SLC18A1: variants seen among roughly 807,000 people sequenced by gnomAD.
SLC18A1 encodes the protein chromaffin granule amine transporter.
A neutral mutation model predicts 53.7 loss-of-function variants in SLC18A1; 69 were observed. The ratio of observed to expected loss-of-function variants is 1.28; its 90% CI spans 1.06 to 1.57. The LOEUF (loss-of-function observed/expected upper bound fraction) is 1.57, where lower values mean the gene tolerates loss of function less well. SLC18A1 is among the 40% of genes most tolerant of loss of function. The pLI, the probability that SLC18A1 is intolerant of heterozygous loss-of-function variation, is 0.00. For missense variants in SLC18A1, 932 were observed against 668.1 expected (o/e 1.40, Z -4.35); for synonymous variants, 320 against 248.1 (o/e 1.29, Z -2.72).
chr8:20,159,043 G>A (rs1414868781), intron 10 of SLC18A1, among the ~76,000 whole-genome samples: 1 of 152,120 alleles, frequency 6.6e-6, no homozygotes, highest in Non-Finnish European at 1.5e-5. Flanking sequence ...GGTTAAGTTT[G>A]TCTCTTCCAG....
At chr8:20,150,572 A>C (rs2071525643) in intron 11 of SLC18A1, 94 bp downstream of exon 11, 1 of 1,122,222 alleles carries the variant, frequency 8.9e-7, no homozygotes, top group African/African-American at 1.5e-5. Flanking sequence ...TAAACTTTCA[A>C]CCGTATGGAA....
intron 12 of SLC18A1, chr8:20,148,648 C>T (rs1423957103): frequency 7.1e-6 from 3 of 420,684 alleles, no homozygotes; most frequent in Non-Finnish European, 1.4e-5. Flanking sequence ...CCCAATCCCC[C>T]AACAAAAACC....
intron 6 of SLC18A1, among the ~76,000 whole-genome samples, chr8:20,172,241 G>T (rs1181312044): frequency 6.6e-6 from 1 of 152,232 alleles, no homozygotes; most frequent in Non-Finnish European, 1.5e-5. Flanking sequence ...TTTGGGACAT[G>T]ATAAAGGATT....
At position 20,148,040 on chromosome 8, in the gene SLC18A1, T is replaced by C. The variant is rs1286384908; in HGVS notation, c.1177A>G (p.Ile393Val). 6.2e-7 allele frequency: 1 copy of C among 1,613,670 alleles called. No individual in the cohort carries two copies. Among genetic ancestry groups the C allele is most frequent in the African/African-American group, 1.3e-5 (1 of 74,888 alleles). Residue 393 changes from isoleucine (I) to valine (V), a missense_variant, in exon 13 of 16, where the codon ATT becomes GTT. Coordinates refer to ENST00000276373, the MANE Select transcript of SLC18A1 (RefSeq NM_003053.4). Reference protein sequence around the residue: ...VPLAHNIFGLIGPNAGLGLAI... With the variant: ...VPLAHNIFGLVGPNAGLGLAI... The stretch of plus-strand genomic sequence containing the variant: ...AGGCCAAGCCCTGCATTGGGGCCAA[T>C]GAGACCAAAAATATTGTGAGCCAGA...
chr8:20,149,639 T>G (rs1214174537), intron 12 of SLC18A1, 37 bp downstream of exon 12: 1 of 1,560,744 alleles, frequency 6.4e-7, no homozygotes, highest in Non-Finnish European at 8.8e-7. Context: ...TCTCGCTCTC[T>G]CTCTCCTTCC....
intron 2 of SLC18A1, 60 bp from the exon 3 acceptor site, chr8:20,179,544 A>G: frequency 6.5e-7 from 1 of 1,548,656 alleles, no homozygotes; most frequent in Middle Eastern, 2.4e-4. Context: ...TACCACTGAA[A>G]CTCAAGGGGC....
intron 10 of SLC18A1, among the ~76,000 whole-genome samples, chr8:20,159,039 G>C (rs1423592195): frequency 6.6e-6 from 1 of 152,150 alleles, no homozygotes; most frequent in Non-Finnish European, 1.5e-5. Context: ...TCCTGGTTAA[G>C]TTTGTCTCTT....
chr8:20,159,609 T>C (rs1188306417), intron 10 of SLC18A1, among the ~76,000 whole-genome samples: 1 of 124,276 alleles, frequency 8.0e-6, no homozygotes, highest in East Asian at 2.3e-4. Context: ...AGCTCTGTTT[T>C]CACTCTATTA....
At chr8:20,178,152 C>CACACA (rs1335847544) in intron 4 of SLC18A1, among the ~76,000 whole-genome samples, 8 of 92,880 alleles carry the variant, frequency 8.6e-5, no homozygotes, top group Non-Finnish European at 1.8e-4. Context: ...ACACACACAC[C>CACACA]CCGTAGCATA....
chr8:20,178,983 G>A (rs980334748), intron 3 of SLC18A1, 138 bp downstream of exon 3: 20 of 996,452 alleles, frequency 2.0e-5, no homozygotes, highest in African/African-American at 8.2e-5. Flanking sequence ...TTTGAGTAAC[G>A]AGCTTTCCGA....
At chr8:20,180,746 C>G (rs2128881177) in intron 2 of SLC18A1, 95 bp downstream of exon 2, 1 of 1,494,184 alleles carries the variant, frequency 6.7e-7, no homozygotes, top group Non-Finnish European at 9.1e-7. Context: ...AAGGAAAATT[C>G]TCAGATGGAT....
At chr8:20,181,213 C>A in intron 1 of SLC18A1, 126 bp from the exon 2 acceptor site, 1 of 342,918 alleles carries the variant, frequency 2.9e-6, no homozygotes, top group Non-Finnish European at 5.4e-6. Context: ...GAATGCCTTC[C>A]TGGTAAGCAT....
rs748816054 is a variant in SLC18A1, at chr8:20,148,109, T to A, written c.1147-39A>T. ...GAGGAAGAGTCATCAGGACTCCAGA[T>A]GGGTCAGGTGGGAGCAAGGTTCAAA... On this transcript the variant is annotated intron_variant, in intron 12 of 15. Coordinates refer to ENST00000276373, the MANE Select transcript of SLC18A1 (RefSeq NM_003053.4). 16 of 1,580,824 alleles carry A rather than the reference T, an allele frequency of 1.0e-5. 1 individual carries two copies. The South Asian group carries it at 1.8e-4, about 17-fold the overall frequency.
In SLC18A1 at chr8:20,153,974, G is replaced by A. The variant is rs532796625; in HGVS notation, c.1016-3230C>T. ...TTTGGGTCATGGGAATGAATCCCTCGTGAATGGCGTGGTGCTGTCCCCATC... is the reference window on the plus strand; with the variant it reads ...TTTGGGTCATGGGAATGAATCCCTCATGAATGGCGTGGTGCTGTCCCCATC... On this transcript the variant is annotated intron_variant, in intron 10 of 15. Coordinates refer to ENST00000276373, the MANE Select transcript of SLC18A1 (RefSeq NM_003053.4). Among the ~76,000 whole-genome samples the A allele has an allele frequency of 8.6e-4, 131 of 152,256 alleles. 1 individual carries two copies. The highest frequency in any genetic ancestry group is 2.6e-3 in the African/African-American group (108 of 41,552).
In SLC18A1 at chr8:20,179,314, C is replaced by T; in HGVS notation, c.295G>A (p.Gly99Arg). The T allele has an allele frequency of 6.2e-7, 1 of 1,614,174 alleles. No homozygotes were observed. The highest frequency in any genetic ancestry group is 8.5e-7 in the Non-Finnish European group (1 of 1,180,032). The change falls in exon 3 of 16, where the codon GGA (glycine) becomes AGA (arginine). Residue 99 changes from glycine (G) to arginine (R), a missense_variant. Coordinates refer to ENST00000276373, the MANE Select transcript of SLC18A1 (RefSeq NM_003053.4). Reference sequence around the variant, plus strand: ...GCAGTGTCATTCATCCATGCTATTCCACTAGGTACGCTTTCTTCAACAGCC... The same window carrying T: ...GCAGTGTCATTCATCCATGCTATTCTACTAGGTACGCTTTCTTCAACAGCC... ...TVAVEESVPS[G>R]IAWMNDTAST...
chr8:20,152,114 G>A (rs969475027), intron 10 of SLC18A1, among the ~76,000 whole-genome samples: 1 of 152,126 alleles, frequency 6.6e-6, no homozygotes, highest in Non-Finnish European at 1.5e-5. Context: ...AACCAAAAGA[G>A]AGCACTTCAA....
chr8:20,169,653 T>G (rs1198286765), intron 8 of SLC18A1, among the ~76,000 whole-genome samples: 1 of 152,106 alleles, frequency 6.6e-6, no homozygotes, highest in East Asian at 1.9e-4. Flanking sequence ...CTGAGGCGGA[T>G]GGATCACTTG....
chr8:20,149,210 C>T (rs1216857400), intron 12 of SLC18A1, among the ~76,000 whole-genome samples: 2 of 152,162 alleles, frequency 1.3e-5, no homozygotes, highest in Non-Finnish European at 2.9e-5. Context: ...CTTTCTTCTT[C>T]TATCAAGCCT....
At chr8:20,166,418 G>A (rs554724293) in intron 8 of SLC18A1, among the ~76,000 whole-genome samples, 103 of 146,416 alleles carry the variant, frequency 7.0e-4, no homozygotes, top group African/African-American at 2.3e-3. Context: ...AAAGGAGAAC[G>A]CAAAAAAAAG....
Sources: gnomAD v4.1 joint callset for allele counts (sites outside exome capture counted in the v4.1 genomes callset) on GRCh38, gnomAD v4.1.1 for gene constraint, MANE v1.5 for transcripts, NCBI Gene and HGNC (gene_info 2026-07-23, HGNC 2026-07-21) for gene names.